DSCAML1: variants seen among roughly 807,000 people sequenced by gnomAD.
DSCAML1 encodes the protein DS cell adhesion molecule like 1, also known as cell adhesion molecule DSCAML1.
In DSCAML1, 38 loss-of-function variants were observed where a neutral mutation model predicts 200.5. That is an observed-to-expected ratio of 0.19 (90% CI 0.15 to 0.25). DSCAML1 has a LOEUF of 0.25. Ranked by LOEUF, DSCAML1 falls within the 10% of genes least tolerant of loss-of-function variation. DSCAML1 has a pLI of 1.00. For missense variants in DSCAML1, 2,223 were observed against 2,858.8 expected (o/e 0.78, Z 5.07); for synonymous variants, 1,215 against 1,165.0 (o/e 1.04, Z -0.87).
intron 14 of DSCAML1, among the ~76,000 whole-genome samples, chr11:117,479,286 T>G (rs764559127): frequency 1.3e-5 from 2 of 152,010 alleles, no homozygotes; most frequent in Admixed American, 1.3e-4. Context: ...ACAAGAGGAG[T>G]TGAGCTGGTG....
At chr11:117,748,818 G>A (rs911569629) in intron 3 of DSCAML1, among the ~76,000 whole-genome samples, 1 of 152,130 alleles carries the variant, frequency 6.6e-6, no homozygotes, top group South Asian at 2.1e-4. Context: ...CTCTGCCCAC[G>A]TCCAACAGGA....
At chr11:117,538,189 C>A (rs1388422172) in intron 3 of DSCAML1, among the ~76,000 whole-genome samples, 2 of 152,122 alleles carry the variant, frequency 1.3e-5, no homozygotes, top group Non-Finnish European at 2.9e-5. Context: ...GGGCAGAGAA[C>A]CCCTGGATGA....
chr11:117,528,701 T>A (rs2050021908), intron 4 of DSCAML1, among the ~76,000 whole-genome samples: 1 of 152,190 alleles, frequency 6.6e-6, no homozygotes, highest in Admixed American at 6.5e-5. Flanking sequence ...TCCCTCAGCC[T>A]CTCTGACCAC....
chr11:117,653,474 T>C (rs2052672436), intron 3 of DSCAML1, among the ~76,000 whole-genome samples: 1 of 152,158 alleles, frequency 6.6e-6, no homozygotes, highest in Non-Finnish European at 1.5e-5. Flanking sequence ...TTGGCCTCCA[T>C]TAAGCCCTGT....
chr11:117,663,616 C>T (rs144215143), intron 3 of DSCAML1, among the ~76,000 whole-genome samples: 1 of 151,478 alleles, frequency 6.6e-6, no homozygotes, highest in African/African-American at 2.4e-5. Flanking sequence ...CACATCGCCG[C>T]CAAGTGCCCG....
At chr11:117,802,403 G>A (rs1343635812) in intron 1 of DSCAML1, among the ~76,000 whole-genome samples, 1 of 152,156 alleles carries the variant, frequency 6.6e-6, no homozygotes, top group Non-Finnish European at 1.5e-5. Flanking sequence ...ACTGGGCTCC[G>A]ACCCTTTCGA....
At chr11:117,764,508 C>A (rs7936362) in intron 3 of DSCAML1, among the ~76,000 whole-genome samples, 14,061 of 152,316 alleles carry the variant, frequency 0.092, 790 homozygotes, top group African/African-American at 0.16. Flanking sequence ...ATCACGCACA[C>A]AGGAAGCACT....
chr11:117,796,973 C>A (rs113876980), intron 1 of DSCAML1, 61 bp downstream of exon 1: 340,554 of 1,216,502 alleles, frequency 0.28, 50,370 homozygotes, highest in Non-Finnish European at 0.3. Context: ...CCCGCCTCGC[C>A]GCCAGCCGCG....
At chr11:117,648,706 T>A (rs1337635291) in intron 3 of DSCAML1, among the ~76,000 whole-genome samples, 1 of 152,182 alleles carries the variant, frequency 6.6e-6, no homozygotes. Flanking sequence ...TGGTGCACAC[T>A]CTGCCTCCTG....
chr11:117,743,127 G>C (rs1011919514), intron 3 of DSCAML1, among the ~76,000 whole-genome samples: 2 of 152,198 alleles, frequency 1.3e-5, no homozygotes, highest in African/African-American at 4.8e-5. Flanking sequence ...AATAAGACAT[G>C]CTTTCTTGCC....
chr11:117,435,543 C>G lies in DSCAML1; in HGVS notation c.4876+101G>C. 7 of 1,367,064 alleles carry G rather than the reference C, an allele frequency of 5.1e-6. No homozygotes were observed. The South Asian group carries it at 6.3e-5, about 12-fold the overall frequency. The allele number at this position is 1,367,064 out of a possible 1,614,324, so 84.7% of individuals were successfully genotyped here. A position where few individuals can be genotyped will look rare whatever the true frequency, so the allele number is the denominator to read the frequency against. On this transcript the variant is annotated intron_variant, in intron 27 of 32. Transcript: ENST00000651296. ...CTCCTCCTTCAAGGGGACACAGGCACTCTGTATCATCCAGATGGTGCTGTG... is the reference window on the plus strand; with the variant it reads ...CTCCTCCTTCAAGGGGACACAGGCAGTCTGTATCATCCAGATGGTGCTGTG...
chr11:117,521,245 G>A lies in DSCAML1; in HGVS notation c.1098C>T (p.Leu366=). The A allele has an allele frequency of 6.2e-7, 1 of 1,614,168 alleles. No individual in the cohort carries two copies. Among genetic ancestry groups the A allele is most frequent in the East Asian group, 2.2e-5 (1 of 44,874 alleles). Residue 366 remains leucine, a synonymous_variant, in exon 6 of 33, where the codon CTC becomes CTT. Coordinates refer to ENST00000651296, the MANE Select transcript of DSCAML1 (RefSeq NM_020693.4). ...LPDEAISIRG[L]SNETLLITSA... is the part of the protein sequence containing the mutation. ...AGGTGATGAGCAGCGTCTCGTTGCT[G>A]AGCCCGCGGATGGAGATGGCCTCGT...
At chr11:117,590,367 TA>T (rs72401768) in intron 3 of DSCAML1, among the ~76,000 whole-genome samples, 50,146 of 139,066 alleles carry the variant, frequency 0.36, 10,419 homozygotes, top group African/African-American at 0.61. Context: ...ATACATAACT[TA>T]AAAAAAAAAA....
chr11:117,815,960 T>C (rs1326075049), intron 1 of DSCAML1, among the ~76,000 whole-genome samples: 3 of 151,950 alleles, frequency 2.0e-5, no homozygotes, highest in Non-Finnish European at 4.4e-5. Flanking sequence ...CTCCTGAACA[T>C]AGCTCGTCCC....
chr11:117,731,344 A>C (rs537344178), intron 3 of DSCAML1, among the ~76,000 whole-genome samples: 2 of 152,098 alleles, frequency 1.3e-5, no homozygotes, highest in African/African-American at 4.8e-5. Context: ...CCCACACCCC[A>C]AGGTCCTCAA....
chr11:117,789,142 TC>T (rs1427406984), intron 1 of DSCAML1, among the ~76,000 whole-genome samples: 1 of 152,170 alleles, frequency 6.6e-6, no homozygotes, highest in African/African-American at 2.4e-5. Context: ...TTTTTAAGAT[TC>T]TTAGCACAAA....
In DSCAML1 at chr11:117,451,076, C is replaced by T. The variant is rs1203951650; in HGVS notation, c.3569-388G>A. On this transcript the variant is annotated intron_variant, in intron 19 of 32. Transcript: ENST00000651296. ...GTATTTAGGGGGAAAATACCCGGCACCTGTCACTTTCCTTTTTGGCCTGTG... is the reference window on the plus strand; with the variant it reads ...GTATTTAGGGGGAAAATACCCGGCATCTGTCACTTTCCTTTTTGGCCTGTG... 2.6e-5 allele frequency among the ~76,000 whole-genome samples: 4 copies of T among 152,204 alleles called. No individual in the cohort carries two copies. In the South Asian group the frequency reaches 8.3e-4, roughly 32 times the overall value.
intron 3 of DSCAML1, among the ~76,000 whole-genome samples, chr11:117,632,466 T>C (rs1353874921): frequency 6.6e-6 from 1 of 152,176 alleles, no homozygotes; most frequent in Admixed American, 6.5e-5. Context: ...ACTTTGCTCA[T>C]ATGATGAGTT....
intron 11 of DSCAML1, among the ~76,000 whole-genome samples, chr11:117,493,281 A>G (rs569015009): frequency 2.6e-5 from 4 of 151,392 alleles, no homozygotes; most frequent in Non-Finnish European, 5.9e-5. Context: ...TTCTCAAATG[A>G]AGATGGGGAC....
Sources: allele counts gnomAD v4.1 joint callset (sites outside exome capture counted in the v4.1 genomes callset), GRCh38; gene constraint gnomAD v4.1.1; transcripts MANE v1.5; gene names NCBI Gene and HGNC (gene_info 2026-07-23, HGNC 2026-07-21).